The following HS2ST1 variants were observed in gnomAD, a reference collection of about 807,000 sequenced individuals.
The protein encoded by HS2ST1 is heparan sulfate 2-O-sulfotransferase 1.
A neutral mutation model predicts 42.9 loss-of-function variants in HS2ST1; 18 were observed. The ratio of observed to expected loss-of-function variants is 0.42; its 90% CI spans 0.29 to 0.62. The LOEUF is 0.62. Among genes scored for constraint, HS2ST1 ranks in the 20% least tolerant of loss-of-function variants. The pLI is 0.21. For missense variants in HS2ST1, 334 were observed against 433.8 expected (o/e 0.77, Z 2.04); for synonymous variants, 146 against 152.9 (o/e 0.95, Z 0.33).
At chr1:86,944,441 C>G (rs965300082) in intron 1 of HS2ST1, among the ~76,000 whole-genome samples, 5 of 151,996 alleles carry the variant, frequency 3.3e-5, no homozygotes, top group African/African-American at 1.2e-4. Context: ...TGCAACCTCC[C>G]CCTTCTGGGT....
At chr1:87,023,265 A>G (rs569117808) in intron 1 of HS2ST1, among the ~76,000 whole-genome samples, 10 of 152,308 alleles carry the variant, frequency 6.6e-5, no homozygotes, top group Middle Eastern at 3.4e-3. Context: ...ATAAATAACG[A>G]CTTATGCAAA....
chr1:87,014,457 T>TTA (rs1341712892), intron 1 of HS2ST1, among the ~76,000 whole-genome samples: 5 of 152,224 alleles, frequency 3.3e-5, no homozygotes, highest in Non-Finnish European at 7.3e-5. Flanking sequence ...CACATGGGAA[T>TTA]TATGGGAGCT....
chr1:87,029,925 A>G (rs1650186880), intron 1 of HS2ST1, among the ~76,000 whole-genome samples: 1 of 152,184 alleles, frequency 6.6e-6, no homozygotes, highest in African/African-American at 2.4e-5. Context: ...TATGCTTACT[A>G]CTTATTTTGG....
chr1:87,093,741 A>G (rs1056820008), intron 4 of HS2ST1, among the ~76,000 whole-genome samples: 1 of 152,112 alleles, frequency 6.6e-6, no homozygotes, highest in Admixed American at 6.6e-5. Context: ...AACCTAAACT[A>G]TTACACAGTA....
At chr1:87,053,483 T>C (rs1010755926) in intron 1 of HS2ST1, among the ~76,000 whole-genome samples, 8 of 152,216 alleles carry the variant, frequency 5.3e-5, no homozygotes, top group Non-Finnish European at 1.0e-4. Context: ...ATTAAAAATT[T>C]TTTAATGTCT....
chr1:86,926,203 C>T (rs1660414172), intron 1 of HS2ST1, among the ~76,000 whole-genome samples: 1 of 152,194 alleles, frequency 6.6e-6, no homozygotes. Context: ...GAAGGGAACA[C>T]TGGTTGAGTG....
chr1:86,935,455 C>CTTTTTTTTTTTTTTTTTTTT (rs552713297), intron 1 of HS2ST1, among the ~76,000 whole-genome samples: 1 of 62,062 alleles, frequency 1.6e-5, no homozygotes, highest in African/African-American at 7.5e-5. Context: ...TCTTTTTCTC[C>CTTTTTTTTTTTTTTTTTTTT]TTTTTTTTTT....
intron 1 of HS2ST1, among the ~76,000 whole-genome samples, chr1:87,021,809 C>G (rs910161805): frequency 3.3e-5 from 5 of 152,152 alleles, no homozygotes; most frequent in Admixed American, 6.5e-5. Context: ...AGCCACCAAG[C>G]CAAGCTGACA....
intron 1 of HS2ST1, among the ~76,000 whole-genome samples, chr1:87,025,802 T>C (rs1343055997): frequency 6.6e-6 from 1 of 152,226 alleles, no homozygotes; most frequent in Non-Finnish European, 1.5e-5. Context: ...CTTTTCCTTC[T>C]TTATTGCATG....
At chr1:86,996,027 C>G (rs372852158) in intron 1 of HS2ST1, among the ~76,000 whole-genome samples, 1 of 152,024 alleles carries the variant, frequency 6.6e-6, no homozygotes, top group South Asian at 2.1e-4. Context: ...ATGCTTTAAA[C>G]TCTTAAGCTC....
intron 5 of HS2ST1, among the ~76,000 whole-genome samples, chr1:87,103,106 A>G (rs1652254935): frequency 6.6e-6 from 1 of 152,226 alleles, no homozygotes; most frequent in South Asian, 2.1e-4. Flanking sequence ...GTAGTTTAAA[A>G]AAGTTAAAAC....
intron 5 of HS2ST1, among the ~76,000 whole-genome samples, chr1:87,102,314 T>A (rs1480009264): frequency 6.6e-6 from 1 of 152,132 alleles, no homozygotes; most frequent in Non-Finnish European, 1.5e-5. Flanking sequence ...CACCTTGGCC[T>A]CCCAAAGTGC....
intron 1 of HS2ST1, among the ~76,000 whole-genome samples, chr1:86,970,313 A>G (rs1463125452): frequency 1.3e-5 from 2 of 152,196 alleles, no homozygotes; most frequent in Non-Finnish European, 1.5e-5. Flanking sequence ...AAGAATCCAC[A>G]AGAAGTATAG....
chr1:87,026,042 T>A (rs1650079900), intron 1 of HS2ST1, among the ~76,000 whole-genome samples: 1 of 152,244 alleles, frequency 6.6e-6, no homozygotes, highest in South Asian at 2.1e-4. Context: ...AGCCAATAGA[T>A]TGCAACTGTA....
chr1:87,101,459 C>T (rs978503439), intron 5 of HS2ST1, among the ~76,000 whole-genome samples: 51 of 152,188 alleles, frequency 3.4e-4, no homozygotes, highest in African/African-American at 1.1e-3. Flanking sequence ...AGCCACCGCA[C>T]CCGACCAGTC....
intron 1 of HS2ST1, among the ~76,000 whole-genome samples, chr1:86,934,139 C>T (rs547171385): frequency 6.6e-6 from 1 of 152,198 alleles, no homozygotes; most frequent in East Asian, 1.9e-4. Context: ...GGCTGGGAGG[C>T]GGCTGGAGTT....
chr1:87,053,896 T>TTCAAAA lies in HS2ST1; in HGVS notation c.125-19037_125-19036insCAAAAT, dbSNP rs552670256. Among the ~76,000 whole-genome samples, 19 of 24,916 alleles carry TTCAAAA rather than the reference T, an allele frequency of 7.6e-4. No individual in the cohort carries two copies. In the East Asian group the frequency reaches 0.018, roughly 23 times the overall value. The allele number at this position is 24,916 out of a possible 152,430, so 16.3% of individuals were successfully genotyped here. A position where few individuals can be genotyped will look rare whatever the true frequency, so the allele number is the denominator to read the frequency against. ...TGAATTCAAAATTCTCTTTTGATGT[T>TTCAAAA]TAAAAATAAAAATAAAATTCTCTTT... On this transcript the variant is annotated intron_variant, in intron 1 of 6. Transcript: ENST00000370550.
chr1:87,090,157 G>GTGTAC (rs769378667), intron 3 of HS2ST1, among the ~76,000 whole-genome samples: 13 of 151,986 alleles, frequency 8.6e-5, no homozygotes, highest in Non-Finnish European at 1.8e-4. Context: ...TTACTACTCA[G>GTGTAC]TGTACTCTCT....
intron 1 of HS2ST1, among the ~76,000 whole-genome samples, chr1:87,063,397 C>A (rs1055044770): frequency 6.6e-6 from 1 of 152,110 alleles, no homozygotes. Flanking sequence ...AGTGCAATGG[C>A]GTGACTTCCG....
Sources: allele counts gnomAD v4.1 joint callset (sites outside exome capture counted in the v4.1 genomes callset), GRCh38; gene constraint gnomAD v4.1.1; transcripts MANE v1.5; gene names NCBI Gene and HGNC (gene_info 2026-07-23, HGNC 2026-07-21).